The following FAM117B variants were observed in gnomAD, a reference collection of about 807,000 sequenced individuals.
The protein encoded by FAM117B is protein FAM117B.
In FAM117B, 22 loss-of-function variants were observed where a neutral mutation model predicts 52.8. That is an observed-to-expected ratio of 0.42 (90% confidence interval 0.30 to 0.59). The LOEUF (loss-of-function observed/expected upper bound fraction) is 0.59, where lower values mean the gene tolerates loss of function less well. Ranked by LOEUF, FAM117B falls within the 20% of genes least tolerant of loss-of-function variation. The probability of loss-of-function intolerance (pLI) is 0.22; values close to 1 mark genes in which losing one functional copy is unlikely to be tolerated. For missense variants in FAM117B, 678 were observed against 802.6 expected (o/e 0.84, Z 1.88); for synonymous variants, 309 against 324.1 (o/e 0.95, Z 0.50).
chr2:202,722,830 TAAAA>T (rs953661344), intron 2 of FAM117B, among the ~76,000 whole-genome samples: 1 of 147,286 alleles, frequency 6.8e-6, no homozygotes, highest in Non-Finnish European at 1.5e-5. Context: ...ACTTAAAAAT[TAAAA>T]AAAAAAAATT....
At position 202,659,604 on chromosome 2, in the gene FAM117B, CTTTTTTTTTTTTTT is replaced by C. The variant is rs71030981; in HGVS notation, c.601+23833_601+23846del. On this transcript the variant is annotated intron_variant, in intron 1 of 7. Coordinates refer to ENST00000392238, the MANE Select transcript of FAM117B (RefSeq NM_173511.4). ...GAGATTACAGACGTGAGCCACCGTG[CTTTTTTTTTTTTTT>C]TTTTTTTTTTTTTTTTGACGGAGTC... Among the ~76,000 whole-genome samples, 15 of 62,312 alleles carry C rather than the reference CTTTTTTTTTTTTTT, an allele frequency of 2.4e-4. No individual in the cohort carries two copies. In the East Asian group the frequency reaches 3.5e-3, roughly 15 times the overall value. 40.9% of individuals were successfully genotyped at this position (62,312 alleles called of 152,430 possible).
Position 202,759,250 on chromosome 2 carries a change from C to T in FAM117B, c.1348C>T (p.Pro450Ser). The T allele has an allele frequency of 1.2e-6, 2 of 1,614,090 alleles. No individual in the cohort carries two copies. Among genetic ancestry groups the T allele is most frequent in the Non-Finnish European group, 1.7e-6 (2 of 1,179,998 alleles). The change falls in exon 7 of 8, where the codon CCT becomes TCT. Residue 450 changes from proline (P) to serine (S), a missense_variant. Coordinates refer to ENST00000392238, the MANE Select transcript of FAM117B (RefSeq NM_173511.4). ...TCTTGCAGAGAATGGGAACAATTCT[C>T]CTTTGCCCAAATATGCAACCTCACC... ...PRDKENGNNS[P>S]LPKYATSPKP... is the part of the protein sequence containing the mutation.
At chr2:202,731,578 C>T (rs1204798372) in intron 4 of FAM117B, among the ~76,000 whole-genome samples, 2 of 149,546 alleles carry the variant, frequency 1.3e-5, no homozygotes, top group South Asian at 2.1e-4. Flanking sequence ...TTACAGGCAC[C>T]TACCACCATG....
chr2:202,734,292 T>A (rs765184532), intron 4 of FAM117B, among the ~76,000 whole-genome samples: 52 of 152,006 alleles, frequency 3.4e-4, no homozygotes, highest in Non-Finnish European at 1.5e-4. Flanking sequence ...GAGGCTGAGG[T>A]GGGGGGATTA....
intron 1 of FAM117B, among the ~76,000 whole-genome samples, chr2:202,683,419 A>C (rs965722478): frequency 6.6e-6 from 1 of 152,330 alleles, no homozygotes; most frequent in East Asian, 1.9e-4. Context: ...GATAAATAAA[A>C]TTGATAAACC....
chr2:202,760,311 G>A (rs1691866597), intron 7 of FAM117B, among the ~76,000 whole-genome samples: 1 of 152,142 alleles, frequency 6.6e-6, no homozygotes, highest in Non-Finnish European at 1.5e-5. Context: ...CTCCTGAACG[G>A]GGGAGGTCCC....
chr2:202,668,929 C>T (rs1690250955), intron 1 of FAM117B, among the ~76,000 whole-genome samples: 1 of 152,116 alleles, frequency 6.6e-6, no homozygotes, highest in Admixed American at 6.5e-5. Context: ...AAAGTCTTCT[C>T]ACAGTGTTAT....
chr2:202,712,231 A>C (rs1690969526), intron 2 of FAM117B, among the ~76,000 whole-genome samples: 1 of 152,000 alleles, frequency 6.6e-6, no homozygotes, highest in African/African-American at 2.4e-5. Flanking sequence ...AGTGTTTTAC[A>C]GTTTTCAATG....
At chr2:202,731,332 A>AAAATATATATATATATATAT (rs1553522256) in intron 4 of FAM117B, among the ~76,000 whole-genome samples, 5 of 30,770 alleles carry the variant, frequency 1.6e-4, no homozygotes, top group Non-Finnish European at 5.2e-4. Context: ...GAGAAATTGG[A>AAAATATATATATATATATAT]ATATATATAT....
intron 1 of FAM117B, among the ~76,000 whole-genome samples, chr2:202,665,113 G>T (rs1191005934): frequency 6.6e-6 from 1 of 152,050 alleles, no homozygotes; most frequent in East Asian, 1.9e-4. Flanking sequence ...TGGACTGTTA[G>T]CTTTAGGGGT....
chr2:202,693,640 T>C (rs1690666649), intron 1 of FAM117B, among the ~76,000 whole-genome samples: 2 of 152,152 alleles, frequency 1.3e-5, no homozygotes, highest in Admixed American at 1.3e-4. Context: ...CTAATTACTT[T>C]TTAAAACAAA....
chr2:202,749,319 CTATT>C (rs1468251948), intron 4 of FAM117B, among the ~76,000 whole-genome samples: 1 of 151,972 alleles, frequency 6.6e-6, no homozygotes, highest in Non-Finnish European at 1.5e-5. Flanking sequence ...AAATTGAAAA[CTATT>C]TGTTTAATAG....
intron 1 of FAM117B, among the ~76,000 whole-genome samples, chr2:202,650,050 T>G (rs1689934725): frequency 6.6e-6 from 1 of 151,956 alleles, no homozygotes; most frequent in Non-Finnish European, 1.5e-5. Flanking sequence ...TTTTTTTGGA[T>G]TTTTAGTAGA....
At chr2:202,644,755 A>G (rs963267646) in intron 1 of FAM117B, among the ~76,000 whole-genome samples, 1 of 152,332 alleles carries the variant, frequency 6.6e-6, no homozygotes, top group Non-Finnish European at 1.5e-5. Flanking sequence ...TATTGAAAGC[A>G]CTTCATCTTC....
chr2:202,696,124 T>A lies in FAM117B; in HGVS notation c.753+92T>A, dbSNP rs113200356. The A allele has an allele frequency of 1.8e-4, 238 of 1,306,378 alleles. 3 individuals are homozygous for A. In the Middle Eastern group the frequency reaches 2.2e-3, roughly 12 times the overall value. The allele number at this position is 1,306,378 out of a possible 1,614,324, so 80.9% of individuals were successfully genotyped here. On this transcript the variant is annotated intron_variant, in intron 2 of 7. Transcript: ENST00000392238. ...TTCTGCTTTGAGTAGAACAAACATT[T>A]AGTGTATATTAGAATTAACTTGAGA...
At chr2:202,745,444 T>C (rs1691617237) in intron 4 of FAM117B, among the ~76,000 whole-genome samples, 1 of 152,122 alleles carries the variant, frequency 6.6e-6, no homozygotes, top group African/African-American at 2.4e-5. Context: ...TAAAATTCAC[T>C]GGTTGAGCAG....
chr2:202,649,491 A>G (rs1206000663), intron 1 of FAM117B, among the ~76,000 whole-genome samples: 2 of 152,168 alleles, frequency 1.3e-5, no homozygotes, highest in African/African-American at 2.4e-5. Flanking sequence ...ATACTTTGTT[A>G]TTCATCAAAT....
At chr2:202,647,546 A>G (rs1265375692) in intron 1 of FAM117B, among the ~76,000 whole-genome samples, 1 of 152,248 alleles carries the variant, frequency 6.6e-6, no homozygotes, top group East Asian at 1.9e-4. Context: ...TTGTTAAACA[A>G]GAAGAAGCTT....
intron 1 of FAM117B, among the ~76,000 whole-genome samples, chr2:202,661,585 T>C (rs1310897501): frequency 3.3e-5 from 5 of 151,910 alleles, no homozygotes. Flanking sequence ...GACTCCAGAG[T>C]CGCTCATCCA....
Sources: gnomAD v4.1 joint callset for allele counts (sites outside exome capture counted in the v4.1 genomes callset) on GRCh38, gnomAD v4.1.1 for gene constraint, MANE v1.5 for transcripts, NCBI Gene and HGNC (gene_info 2026-07-23, HGNC 2026-07-21) for gene names.